Variants in ANK2 observed in about 807,000 individuals in gnomAD.
ANK2 encodes the protein ankyrin 2, also known as ankyrin-2.
In ANK2, 83 loss-of-function variants were observed where a neutral mutation model predicts 360.5. The ratio of observed to expected loss-of-function variants is 0.23; its 90% confidence interval spans 0.19 to 0.28. The LOEUF (loss-of-function observed/expected upper bound fraction) is 0.28. ANK2 is among the 10% of genes least tolerant of loss of function. The pLI is 1.00. For synonymous variants in ANK2, 1,740 were observed against 1,759.5 expected (o/e 0.99, Z 0.28); for missense variants, 4,201 against 4,795.7 (o/e 0.88, Z 3.66).
At chr4:113,237,750 C>G (rs2099394785) in intron 7 of ANK2, 128 bp downstream of exon 7, 2 of 884,882 alleles carry the variant, frequency 2.3e-6, no homozygotes, top group Admixed American at 1.9e-5. Context: ...ATTTGAAAAC[C>G]TTCCCCATAA....
At chr4:113,025,034 C>T (rs1450720437) in intron 2 of ANK2, among the ~76,000 whole-genome samples, 1 of 152,008 alleles carries the variant, frequency 6.6e-6, no homozygotes, top group Non-Finnish European at 1.5e-5. Context: ...TTTTCCACTA[C>T]AATTGTAAAA....
chr4:112,939,233 T>C (rs539371709), intron 2 of ANK2, among the ~76,000 whole-genome samples: 16 of 152,352 alleles, frequency 1.1e-4, no homozygotes, highest in African/African-American at 3.8e-4. Flanking sequence ...CTAATAGACA[T>C]ATTAGTGAAG....
At chr4:112,747,579 A>ATT in the ANK2 span, among the ~76,000 whole-genome samples, 1 of 152,212 alleles carries the variant, frequency 6.6e-6, no homozygotes, top group Admixed American at 6.5e-5. Flanking sequence ...AAAGCACTAC[A>ATT]TTTAAGAGTG....
At chr4:112,904,528 T>G (rs1211961435) in intron 2 of ANK2, 1 of 1,475,828 alleles carries the variant, frequency 6.8e-7, no homozygotes. Flanking sequence ...CTTTTGGTAT[T>G]TTAAATATTA....
chr4:113,295,520 C>T (rs1337041543), intron 22 of ANK2, among the ~76,000 whole-genome samples: 2 of 152,180 alleles, frequency 1.3e-5, no homozygotes, highest in Non-Finnish European at 2.9e-5. Context: ...CTCTCTACCA[C>T]ATCTATCTCT....
chr4:113,212,806 G>A lies in ANK2; in HGVS notation c.384+13697G>A, dbSNP rs77976172. Among the ~76,000 whole-genome samples, 1,091 of 152,328 alleles carry A rather than the reference G, an allele frequency of 7.2e-3. 8 individuals are homozygous for A. Among genetic ancestry groups the A allele is most frequent in the African/African-American group, 0.011 (472 of 41,562 alleles). On this transcript the variant is annotated intron_variant, in intron 4 of 45. Transcript: ENST00000357077. ...AGCTCAATGACTGTTAGCTGTCATT[G>A]TTACCAAATTCAGCACTAGTGCAGC... is the stretch of plus-strand genomic sequence containing the variant.
chr4:113,379,348 A>G (rs909700699), intron 45 of ANK2, among the ~76,000 whole-genome samples: 1 of 152,092 alleles, frequency 6.6e-6, no homozygotes, highest in Non-Finnish European at 1.5e-5. Context: ...AATATAGACA[A>G]CTCCATAGAG....
At chr4:112,707,722 A>G in the ANK2 span, among the ~76,000 whole-genome samples, 1 of 152,218 alleles carries the variant, frequency 6.6e-6, no homozygotes, top group Non-Finnish European at 1.5e-5. Flanking sequence ...AATAAACAGA[A>G]TATGTGCACT....
chr4:113,278,247 G>A (rs1052705304), intron 16 of ANK2, among the ~76,000 whole-genome samples: 1 of 152,056 alleles, frequency 6.6e-6, no homozygotes, highest in Non-Finnish European at 1.5e-5. Flanking sequence ...TGACCCTCAA[G>A]ATCCCCTTTG....
chr4:113,107,508 C>T (rs979896476), intron 1 of ANK2, among the ~76,000 whole-genome samples: 6 of 152,124 alleles, frequency 3.9e-5, no homozygotes, highest in African/African-American at 9.7e-5. Flanking sequence ...TGAGCCACCG[C>T]GCCCAGCCAG....
intron 7 of ANK2, among the ~76,000 whole-genome samples, chr4:113,237,934 T>C (rs1363690016): frequency 6.6e-6 from 1 of 152,232 alleles, no homozygotes; most frequent in Non-Finnish European, 1.5e-5. Context: ...GATATGATTT[T>C]ATTTCCTTAA....
At chr4:113,205,235 C>CA (rs369993364) in intron 4 of ANK2, among the ~76,000 whole-genome samples, 662 of 63,806 alleles carry the variant, frequency 0.01, 36 homozygotes, top group Middle Eastern at 0.032. Flanking sequence ...GACTCCGTCT[C>CA]AAAAAAAAAA....
At chr4:112,776,276 TC>T in the ANK2 span, among the ~76,000 whole-genome samples, 1 of 152,226 alleles carries the variant, frequency 6.6e-6, no homozygotes, top group Non-Finnish European at 1.5e-5. Context: ...ATGAGAATTC[TC>T]GTATAGAAGT....
rs546885608 is a variant in ANK2, at chr4:112,842,739, G to A, written c.-40+24475G>A. ...CTGCTGTGCGGCCCGCTTCCTGTTG[G>A]GCCGCAGACTGGGGACTGGGGACCG... On this transcript the variant is annotated intron_variant, in intron 1 of 30. Transcript: ENST00000503271. 2.0e-5 allele frequency among the ~76,000 whole-genome samples: 3 copies of A among 152,262 alleles called. No individual in the cohort carries two copies. In the South Asian group the frequency reaches 6.2e-4, roughly 32 times the overall value.
At chr4:113,239,064 T>G (rs2099405278) in intron 7 of ANK2, among the ~76,000 whole-genome samples, 1 of 152,204 alleles carries the variant, frequency 6.6e-6, no homozygotes, top group African/African-American at 2.4e-5. Context: ...ATAAATTTAG[T>G]CAATTATTTC....
intron 1 of ANK2, among the ~76,000 whole-genome samples, chr4:112,824,894 C>G (rs1435387096): frequency 6.6e-6 from 1 of 151,736 alleles, no homozygotes; most frequent in Non-Finnish European, 1.5e-5. Context: ...AATTATAATG[C>G]AGATTTTAAG....
chr4:112,981,600 T>A (rs2043141549), intron 2 of ANK2, among the ~76,000 whole-genome samples: 1 of 152,154 alleles, frequency 6.6e-6, no homozygotes, highest in Non-Finnish European at 1.5e-5. Flanking sequence ...TTTTAACAGG[T>A]GTAATAAAAT....
chr4:112,727,909 G>T, the ANK2 span, among the ~76,000 whole-genome samples: 1 of 152,076 alleles, frequency 6.6e-6, no homozygotes, highest in Non-Finnish European at 1.5e-5. Flanking sequence ...CGCGGGAGGC[G>T]GACGTTGCGG....
At chr4:112,820,500 G>T (rs548220275) in intron 1 of ANK2, among the ~76,000 whole-genome samples, 1 of 152,264 alleles carries the variant, frequency 6.6e-6, no homozygotes, top group South Asian at 2.1e-4. Flanking sequence ...TCAATTTCTG[G>T]TTCTTTTTTA....
Sources: allele counts gnomAD v4.1 joint callset (sites outside exome capture counted in the v4.1 genomes callset), GRCh38; gene constraint gnomAD v4.1.1; transcripts MANE v1.5; gene names NCBI Gene and HGNC (gene_info 2026-07-23, HGNC 2026-07-21).